The following PPFIA2 variants were observed in gnomAD, a reference collection of about 807,000 sequenced individuals.
PPFIA2 encodes the protein PPFI scaffold protein A2.
PPFIA2 carries 46 observed loss-of-function variants against 175.5 expected under a neutral mutation model. The ratio of observed to expected loss-of-function variants is 0.26; its 90% CI spans 0.21 to 0.34. The LOEUF (loss-of-function observed/expected upper bound fraction) is 0.34. Among genes scored for constraint, PPFIA2 ranks in the 10% least tolerant of loss-of-function variants. The pLI is 1.00. For synonymous variants in PPFIA2, 568 were observed against 511.4 expected (o/e 1.11, Z -1.49); for missense variants, 1,179 against 1,506.1 (o/e 0.78, Z 3.60).
At chr12:81,424,029 T>A (rs1307933248) in intron 7 of PPFIA2, among the ~76,000 whole-genome samples, 1 of 152,084 alleles carries the variant, frequency 6.6e-6, no homozygotes, top group Non-Finnish European at 1.5e-5. Flanking sequence ...AGCAATAAAC[T>A]TAATCAAAGT....
At chr12:81,309,087 A>C (rs541792442) in intron 22 of PPFIA2, among the ~76,000 whole-genome samples, 3 of 152,328 alleles carry the variant, frequency 2.0e-5, no homozygotes, top group African/African-American at 7.2e-5. Context: ...CTTACATAAT[A>C]GTAGCAGGAA....
intron 3 of PPFIA2, among the ~76,000 whole-genome samples, chr12:81,707,174 A>G (rs1014075535): frequency 1.5e-4 from 23 of 152,302 alleles, no homozygotes; most frequent in Admixed American, 1.5e-3. Context: ...GACAAATGGG[A>G]TCTAATTAAA....
chr12:81,325,408 GTAGATACT>G (rs1211478020), intron 22 of PPFIA2, among the ~76,000 whole-genome samples: 1 of 152,054 alleles, frequency 6.6e-6, no homozygotes, highest in Non-Finnish European at 1.5e-5. Context: ...ATTTCAAAGA[GTAGATACT>G]TATAATTGCC....
intron 4 of PPFIA2, among the ~76,000 whole-genome samples, chr12:81,598,930 C>T (rs1251135078): frequency 6.6e-6 from 1 of 151,952 alleles, no homozygotes; most frequent in Non-Finnish European, 1.5e-5. Context: ...TAAATAATCA[C>T]AACCTTATTT....
chr12:81,484,833 A>T (rs1402166097), intron 4 of PPFIA2, among the ~76,000 whole-genome samples: 1 of 151,966 alleles, frequency 6.6e-6, no homozygotes, highest in Non-Finnish European at 1.5e-5. Flanking sequence ...TTTTCATATA[A>T]CTAATTTTGG....
At chr12:81,550,722 A>T (rs889133444) in intron 4 of PPFIA2, among the ~76,000 whole-genome samples, 1 of 151,936 alleles carries the variant, frequency 6.6e-6, no homozygotes, top group Non-Finnish European at 1.5e-5. Flanking sequence ...ATCAAAATAA[A>T]CTCAAGGTGC....
At position 81,299,388 on chromosome 12, in the gene PPFIA2, G is replaced by A; in HGVS notation, c.2643-6C>T. The A allele has an allele frequency of 1.3e-6, 2 of 1,575,892 alleles. No individual in the cohort carries two copies. Among genetic ancestry groups the A allele is most frequent in the Non-Finnish European group, 1.7e-6 (2 of 1,159,280 alleles). ...CTTCTTCAAGAAGTTCATGCCTGAA[G>A]TATATAGCAAAGATTATTAGGCAGG... is the stretch of plus-strand genomic sequence containing the variant. On this transcript the variant is annotated splice_region_variant and splice_polypyrimidine_tract_variant and intron_variant, in intron 22 of 32. Coordinates refer to ENST00000549396, the MANE Select transcript of PPFIA2 (RefSeq NM_003625.5).
In PPFIA2 at chr12:81,369,161, T is replaced by C. The variant is rs1208200637; in HGVS notation, c.1300A>G (p.Met434Val). ...EERHGNIEER[M>V]RHLEGQLEEK... Reference sequence around the variant, plus strand: ...TCAAGTTGACCCTCTAAATGTCTCATACGTTCTTCAATATTTCCATGTCTC... The same window carrying C: ...TCAAGTTGACCCTCTAAATGTCTCACACGTTCTTCAATATTTCCATGTCTC... The change falls in exon 12 of 33, where the codon ATG becomes GTG. Residue 434 changes from methionine to valine, a missense_variant. Coordinates refer to ENST00000549396, the MANE Select transcript of PPFIA2 (RefSeq NM_003625.5). 1 of 1,609,156 alleles carries C rather than the reference T, an allele frequency of 6.2e-7. No homozygotes were observed.
At chr12:81,647,335 C>G (rs2066265432) in intron 4 of PPFIA2, among the ~76,000 whole-genome samples, 1 of 151,868 alleles carries the variant, frequency 6.6e-6, no homozygotes, top group African/African-American at 2.4e-5. Flanking sequence ...AAGACAGTAT[C>G]AAATGGTCTT....
intron 7 of PPFIA2, among the ~76,000 whole-genome samples, chr12:81,419,458 TAA>T (rs2045886083): frequency 6.6e-6 from 1 of 152,116 alleles, no homozygotes; most frequent in Non-Finnish European, 1.5e-5. Flanking sequence ...ACAATAAACA[TAA>T]AGTCTCATGA....
intron 11 of PPFIA2, chr12:81,369,487 T>C (rs1202816396): frequency 8.3e-7 from 1 of 1,211,880 alleles, no homozygotes; most frequent in Non-Finnish European, 1.0e-6. Flanking sequence ...CATTGTCCAA[T>C]CTTAAGCTCC....
chr12:81,266,623 G>A (rs2037348135), intron 30 of PPFIA2, among the ~76,000 whole-genome samples: 1 of 152,054 alleles, frequency 6.6e-6, no homozygotes, highest in Admixed American at 6.5e-5. Flanking sequence ...TTAAAAAGCT[G>A]AATTTATCAA....
In PPFIA2 at chr12:81,710,408, G is replaced by A. The variant is rs1012428849; in HGVS notation, c.250-33564C>T. On this transcript the variant is annotated intron_variant, in intron 3 of 32. Coordinates refer to ENST00000549396, the MANE Select transcript of PPFIA2 (RefSeq NM_003625.5). ...AAAATATTTTATATTTCCAAAAACT[G>A]TTGTAATGTTTTAGATTTAAATATT... Among the ~76,000 whole-genome samples, 159 of 151,934 alleles carry A rather than the reference G, an allele frequency of 1.0e-3. 1 individual carries two copies. The highest frequency in any genetic ancestry group is 0.01 in the Admixed American group (158 of 15,256).
intron 22 of PPFIA2, among the ~76,000 whole-genome samples, chr12:81,303,940 T>C (rs2048500161): frequency 6.6e-6 from 1 of 152,214 alleles, no homozygotes; most frequent in African/African-American, 2.4e-5. Flanking sequence ...TGCCTGGATT[T>C]TCATTCTTAG....
In PPFIA2 at chr12:81,261,874, G is replaced by C. The variant is rs1443974171; in HGVS notation, c.*33+75C>G. On this transcript the variant is annotated intron_variant, in intron 32 of 32. Transcript: ENST00000549396. The stretch of plus-strand genomic sequence containing the variant: ...CTGCTAGGGCATACCAAAGAGTATA[G>C]TGTATATTTATTAGTCTATGTAGGT... The C allele has an allele frequency of 7.3e-6, 7 of 958,742 alleles. No individual in the cohort carries two copies. In the Admixed American group the frequency reaches 1.7e-4, roughly 24 times the overall value. 59.4% of individuals were successfully genotyped at this position (958,742 alleles called of 1,614,324 possible).
intron 4 of PPFIA2, among the ~76,000 whole-genome samples, chr12:81,465,527 C>CT (rs2055449738): frequency 6.6e-6 from 1 of 152,124 alleles, no homozygotes; most frequent in Non-Finnish European, 1.5e-5. Flanking sequence ...CTTCCTTAGT[C>CT]TAGGCCCCTC....
chr12:81,262,800 G>A (rs2036058423), intron 31 of PPFIA2, among the ~76,000 whole-genome samples: 1 of 152,112 alleles, frequency 6.6e-6, no homozygotes, highest in Non-Finnish European at 1.5e-5. Flanking sequence ...AATATTTGAT[G>A]AGTGAATTTC....
intron 9 of PPFIA2, chr12:81,378,124 GGAA>G (rs1180431458): frequency 6.6e-6 from 1 of 152,018 alleles, no homozygotes; most frequent in Non-Finnish European, 1.5e-5. Flanking sequence ...CTAGAAGGGG[GGAA>G]GAAGAAATCT....
chr12:81,530,236 G>A (rs1350521929), intron 4 of PPFIA2, among the ~76,000 whole-genome samples: 1 of 151,880 alleles, frequency 6.6e-6, no homozygotes, highest in African/African-American at 2.4e-5. Context: ...CAACTGTCTG[G>A]CTCTTTACAG....
Sources: allele counts gnomAD v4.1 joint callset (sites outside exome capture counted in the v4.1 genomes callset), GRCh38; gene constraint gnomAD v4.1.1; transcripts MANE v1.5; gene names NCBI Gene and HGNC (gene_info 2026-07-23, HGNC 2026-07-21).